ITSN1: variants seen among roughly 807,000 people sequenced by gnomAD.
The protein encoded by ITSN1 is intersectin 1.
Under a neutral mutation model 239.8 loss-of-function variants are expected in ITSN1, and 58 were observed. That is an observed-to-expected ratio of 0.24 (90% CI 0.20 to 0.30). The LOEUF is 0.30. Among genes scored for constraint, ITSN1 ranks in the 10% least tolerant of loss-of-function variants. The pLI is 1.00. For missense variants in ITSN1, 1,558 were observed against 2,103.3 expected (o/e 0.74, Z 5.07); for synonymous variants, 780 against 770.8 (o/e 1.01, Z -0.20).
chr21:33,718,505 A>G (rs950978333), intron 1 of ITSN1, among the ~76,000 whole-genome samples: 1 of 152,240 alleles, frequency 6.6e-6, no homozygotes, highest in South Asian at 2.1e-4. Flanking sequence ...TGAAGTATGC[A>G]AGAGGACGTG....
chr21:33,776,542 T>C (rs535669766), intron 14 of ITSN1, among the ~76,000 whole-genome samples: 1 of 123,056 alleles, frequency 8.1e-6, no homozygotes, highest in South Asian at 2.4e-4. Context: ...TGAGACCCTG[T>C]TCAAAAAAAA....
At chr21:33,656,505 T>A (rs1004518978) in intron 1 of ITSN1, among the ~76,000 whole-genome samples, 2 of 151,998 alleles carry the variant, frequency 1.3e-5, no homozygotes, top group Non-Finnish European at 2.9e-5. Flanking sequence ...AGGGGGTGAG[T>A]TTGAATTCTG....
intron 4 of ITSN1, among the ~76,000 whole-genome samples, chr21:33,734,510 CA>C (rs2066378795): frequency 6.6e-6 from 1 of 152,138 alleles, no homozygotes; most frequent in African/African-American, 2.4e-5. Context: ...CCTAGCATAG[CA>C]TAAGTAGGTA....
rs573459534 is a variant in ITSN1, at chr21:33,797,755, C to G, written c.2182+147C>G. ...CTTATTTTGAGCATGGCCAGCTCTT[C>G]TTTCCCCAGGGTCATTTGAGATCTG... On this transcript the variant is annotated intron_variant, in intron 18 of 39. Coordinates refer to ENST00000381318, the MANE Select transcript of ITSN1 (RefSeq NM_003024.3). The surrounding 1 kb of genome is among the most constrained non-coding windows in gnomAD (Gnocchi z 4.9). 30 of 663,356 alleles carry G rather than the reference C, an allele frequency of 4.5e-5. No individual in the cohort carries two copies. Among genetic ancestry groups the G allele is most frequent in the Non-Finnish European group, 7.8e-5 (30 of 382,392 alleles). The allele number at this position is 663,356 out of a possible 1,614,324, so 41.1% of individuals were successfully genotyped here.
chr21:33,725,133 G>GTTTTTTTTTTTTTTTTTTTTT, intron 4 of ITSN1, among the ~76,000 whole-genome samples: 1 of 91,154 alleles, frequency 1.1e-5, no homozygotes, highest in Non-Finnish European at 2.0e-5. Flanking sequence ...TTTTTTTTTT[G>GTTTTTTTTTTTTTTTTTTTTT]TTTTTTTTTT....
intron 14 of ITSN1, among the ~76,000 whole-genome samples, chr21:33,779,023 T>G (rs1033591961): frequency 2.0e-5 from 3 of 152,040 alleles, no homozygotes; most frequent in African/African-American, 7.2e-5. Context: ...CTCTCCTTTC[T>G]CCTACTCTAT....
intron 1 of ITSN1, among the ~76,000 whole-genome samples, chr21:33,685,888 T>G (rs754462689): frequency 2.0e-5 from 3 of 152,218 alleles, no homozygotes; most frequent in Non-Finnish European, 4.4e-5. Context: ...TAACTATTTC[T>G]CAATTTTACT....
At position 33,896,084 on chromosome 21, in the gene ITSN1, TG is replaced by T. The variant is rs1986766162; in HGVS notation, c.*7786del. 6.6e-6 allele frequency: 1 copy of T among 152,330 alleles called. No individual in the cohort carries two copies. The highest frequency in any genetic ancestry group is 6.5e-5 in the Admixed American group (1 of 15,286). The allele number at this position is 152,330 out of a possible 1,614,324, so 9.4% of individuals were successfully genotyped here. On this transcript the variant is annotated 3_prime_UTR_variant, in exon 40 of 40. Transcript: ENST00000381318. Reference sequence around the variant, plus strand: ...CTTTGAAAGGTCTCCCGGCAGGCTGTGGCAAGCTGCGCGGATACACTTTTCT... The same window carrying T: ...CTTTGAAAGGTCTCCCGGCAGGCTGTGCAAGCTGCGCGGATACACTTTTCT...
At chr21:33,848,858 T>A (rs191439134) in intron 29 of ITSN1, among the ~76,000 whole-genome samples, 1 of 152,244 alleles carries the variant, frequency 6.6e-6, no homozygotes, top group Non-Finnish European at 1.5e-5. Flanking sequence ...ACCACCGATA[T>A]TAGCCTGCTG....
chr21:33,862,532 T>C (rs538508433), intron 31 of ITSN1, among the ~76,000 whole-genome samples: 1 of 152,086 alleles, frequency 6.6e-6, no homozygotes, highest in Non-Finnish European at 1.5e-5. Context: ...TGGTGGGAAG[T>C]CCAGCAGGGC....
Position 33,782,170 on chromosome 21 carries a change from C to CT in ITSN1, c.1824+40dup, listed in dbSNP as rs754954602. On this transcript the variant is annotated intron_variant, in intron 16 of 39. Coordinates refer to ENST00000381318, the MANE Select transcript of ITSN1 (RefSeq NM_003024.3). ...ATGTGTGCCTGCATGTGTGTCCTAC[C>CT]TTTAATTTTTTTAACTGTCCAAATG... 7 of 1,595,970 alleles carry CT rather than the reference C, an allele frequency of 4.4e-6. No individual in the cohort carries two copies. The Admixed American group carries it at 1.2e-4, about 28-fold the overall frequency.
At chr21:33,805,895 A>G (rs2072387050) in intron 20 of ITSN1, among the ~76,000 whole-genome samples, 1 of 146,336 alleles carries the variant, frequency 6.8e-6, no homozygotes, top group Non-Finnish European at 1.5e-5. Flanking sequence ...GATGGTCTCA[A>G]TCTCCTGACC....
intron 29 of ITSN1, chr21:33,837,609 T>G: frequency 2.0e-6 from 2 of 985,942 alleles, no homozygotes; most frequent in Non-Finnish European, 2.4e-6. Context: ...GCGAAGGTGT[T>G]TGTGCTTGTT....
intron 1 of ITSN1, among the ~76,000 whole-genome samples, chr21:33,682,439 T>TA (rs2091017131): frequency 6.6e-6 from 1 of 151,998 alleles, no homozygotes; most frequent in Non-Finnish European, 1.5e-5. Flanking sequence ...GGTCTCGAAC[T>TA]CCCGACCTCA....
At chr21:33,669,566 A>G (rs542911166) in intron 1 of ITSN1, among the ~76,000 whole-genome samples, 34 of 151,278 alleles carry the variant, frequency 2.2e-4, no homozygotes, top group African/African-American at 8.0e-4. Flanking sequence ...CAGCCGCCCG[A>G]TTAGCTGGAA....
intron 2 of ITSN1, 121 bp downstream of exon 2, chr21:33,718,977 C>T (rs576849902): frequency 1.3e-6 from 1 of 766,990 alleles, no homozygotes; most frequent in African/African-American, 1.8e-5. Flanking sequence ...TCATGTATTC[C>T]ATCATATAGT....
At chr21:33,655,215 T>G (rs2088938059) in intron 1 of ITSN1, among the ~76,000 whole-genome samples, 1 of 83,566 alleles carries the variant, frequency 1.2e-5, no homozygotes, top group Non-Finnish European at 2.7e-5. Context: ...TGTAGATCTC[T>G]AGCTGAGGGA....
chr21:33,830,205 T>A (rs1055440735), intron 27 of ITSN1, among the ~76,000 whole-genome samples: 1 of 152,220 alleles, frequency 6.6e-6, no homozygotes, highest in Non-Finnish European at 1.5e-5. Context: ...CATATCATCT[T>A]GTTTACACAT....
At chr21:33,874,830 A>G (rs1388439116) in intron 33 of ITSN1, among the ~76,000 whole-genome samples, 1 of 151,832 alleles carries the variant, frequency 6.6e-6, no homozygotes, top group East Asian at 1.9e-4. Flanking sequence ...TGTATTTTTA[A>G]TAGAGATGGG....
Sources: allele counts gnomAD v4.1 joint callset (sites outside exome capture counted in the v4.1 genomes callset), GRCh38; gene constraint gnomAD v4.1.1; non-coding constraint Gnocchi (gnomAD v3.1); transcripts MANE v1.5; gene names NCBI Gene and HGNC (gene_info 2026-07-23, HGNC 2026-07-21).